Variants in DHX15 observed in about 807,000 individuals in gnomAD.
DHX15 encodes DEAH-box helicase 15.
Under a neutral mutation model 94.4 loss-of-function variants are expected in DHX15, and 11 were observed. The ratio of observed to expected loss-of-function variants is 0.12; its 90% CI spans 0.07 to 0.19. The LOEUF is 0.19. DHX15 is among the 10% of genes least tolerant of loss of function. The probability of loss-of-function intolerance (pLI) is 1.00; values close to 1 mark genes in which losing one functional copy is unlikely to be tolerated. For missense variants in DHX15, 304 were observed against 988.5 expected, an observed-to-expected ratio of 0.31 and a Z score of 9.29; for synonymous variants, 338 against 329.9, an observed-to-expected ratio of 1.02 and a Z score of -0.27.
At chr4:24,546,400 A>T (rs1721424720) in intron 6 of DHX15, among the ~76,000 whole-genome samples, 1 of 152,264 alleles carries the variant, frequency 6.6e-6, no homozygotes, top group Non-Finnish European at 1.5e-5. Flanking sequence ...TATTTAAAAA[A>T]TAATTATAGT....
chr4:24,549,595 A>G (rs1721540612), intron 5 of DHX15, among the ~76,000 whole-genome samples: 1 of 152,244 alleles, frequency 6.6e-6, no homozygotes, highest in Non-Finnish European at 1.5e-5. Context: ...GCTTACTGAC[A>G]GGAATATGTT....
Position 24,554,751 on chromosome 4 carries a change from G to C in DHX15, c.1054C>G (p.Leu352Val), listed in dbSNP as rs1721692400. ...TCTTGACCAGTTAAGAAAAGAAGAA[G>C]ATCTCCCTCTTCCTCTTCACACATA... is the stretch of plus-strand genomic sequence containing the variant. ...IHMCEEEEGD[L>V]LLFLTGQEEI... Residue 352 changes from leucine (L) to valine (V), a missense_variant, in exon 5 of 14, where the codon CTT (leucine) becomes GTT (valine). Leu to Val is a conservative substitution (Grantham distance 32). This residue lies in a region of DHX15 where 40 missense variants were observed against 107.1 expected (regional missense o/e 0.37). Transcript: ENST00000336812. 2 of 1,613,314 alleles carry C rather than the reference G, an allele frequency of 1.2e-6. No individual in the cohort carries two copies. Among genetic ancestry groups the C allele is most frequent in the Non-Finnish European group, 1.7e-6 (2 of 1,179,830 alleles).
chr4:24,579,750 A>G (rs983169464), intron 1 of DHX15, among the ~76,000 whole-genome samples: 1 of 152,172 alleles, frequency 6.6e-6, no homozygotes, highest in Non-Finnish European at 1.5e-5. Context: ...CAAATGCCCA[A>G]TATCGGTTGT....
chr4:24,584,002 T>A (rs1722543776), intron 1 of DHX15, among the ~76,000 whole-genome samples: 1 of 151,938 alleles, frequency 6.6e-6, no homozygotes, highest in Non-Finnish European at 1.5e-5. Context: ...GGCCACGAGG[T>A]CCGCGGTTCA....
intron 12 of DHX15, 129 bp downstream of exon 12, chr4:24,532,735 C>A: frequency 1.5e-6 from 1 of 659,458 alleles, no homozygotes; most frequent in Non-Finnish European, 2.5e-6. Flanking sequence ...CTGGATGTAC[C>A]AACATTTAAG....
intron 12 of DHX15, among the ~76,000 whole-genome samples, chr4:24,531,132 A>T (rs1164151962): frequency 6.7e-6 from 1 of 149,882 alleles, no homozygotes; most frequent in Non-Finnish European, 1.5e-5. Context: ...TCTGTCGCCC[A>T]GGCTGGAGTG....
At chr4:24,545,029 T>C (rs954803078) in intron 6 of DHX15, among the ~76,000 whole-genome samples, 3 of 152,110 alleles carry the variant, frequency 2.0e-5, no homozygotes, top group Non-Finnish European at 4.4e-5. Flanking sequence ...GAGGACTGCT[T>C]GAGTCCAGGA....
intron 12 of DHX15, 89 bp downstream of exon 12, chr4:24,532,775 C>A: frequency 9.9e-7 from 1 of 1,009,542 alleles, no homozygotes; most frequent in Non-Finnish European, 1.4e-6. Flanking sequence ...CACAAACTCA[C>A]TTTTGCTTTT....
chr4:24,540,496 ACTGT>A (rs1203544957), intron 9 of DHX15, among the ~76,000 whole-genome samples, 197 bp from the exon 10 acceptor site: 1 of 152,138 alleles, frequency 6.6e-6, no homozygotes, highest in Non-Finnish European at 1.5e-5. Flanking sequence ...TGTAGGCAAA[ACTGT>A]CTTCTTCCGA....
chr4:24,543,917 G>A (rs537894514), intron 6 of DHX15, among the ~76,000 whole-genome samples: 19 of 152,134 alleles, frequency 1.2e-4, no homozygotes, highest in Non-Finnish European at 2.5e-4. Context: ...AACAGAGTCT[G>A]CTTTTACCAT....
intron 10 of DHX15, chr4:24,539,189 T>A (rs1390060617): frequency 1.3e-5 from 2 of 152,110 alleles, no homozygotes; most frequent in Non-Finnish European, 2.9e-5. Context: ...AGCCATAATT[T>A]TACATTTAAA....
At chr4:24,528,918 A>C (rs916962212) in intron 13 of DHX15, among the ~76,000 whole-genome samples, 32 of 152,262 alleles carry the variant, frequency 2.1e-4, no homozygotes, top group South Asian at 6.2e-4. Context: ...CAAAACAAAA[A>C]AAAACAGATT....
At chr4:24,546,248 TAA>T in intron 6 of DHX15, among the ~76,000 whole-genome samples, 3 of 152,332 alleles carry the variant, frequency 2.0e-5, no homozygotes, top group Admixed American at 2.0e-4. Context: ...AGTCTTTCTT[TAA>T]AACTACAGGA....
intron 3 of DHX15, among the ~76,000 whole-genome samples, chr4:24,566,628 C>A (rs972659308): frequency 6.6e-6 from 1 of 152,224 alleles, no homozygotes; most frequent in African/African-American, 2.4e-5. Flanking sequence ...GAGTTTGAGA[C>A]CAGCCTGGCC....
chr4:24,556,524 CCAAA>C (rs1577342556), intron 3 of DHX15, 114 bp from the exon 4 acceptor site: 1 of 849,606 alleles, frequency 1.2e-6, no homozygotes, highest in Non-Finnish European at 1.8e-6. Context: ...AACTTCTGCC[CCAAA>C]CAAATGTGCT....
intron 11 of DHX15, among the ~76,000 whole-genome samples, chr4:24,534,632 T>A (rs1425846697): frequency 2.0e-5 from 3 of 152,080 alleles, no homozygotes; most frequent in Non-Finnish European, 4.4e-5. Flanking sequence ...TAGAGAGAAA[T>A]CTCCCCTCCC....
intron 5 of DHX15, 144 bp downstream of exon 5, chr4:24,554,581 G>C: frequency 3.2e-6 from 2 of 626,760 alleles, no homozygotes; most frequent in Non-Finnish European, 5.5e-6. Context: ...CAGATAAAAG[G>C]GGTTATATAT....
At chr4:24,580,932 T>C (rs1338552526) in intron 1 of DHX15, 1 of 152,096 alleles carries the variant, frequency 6.6e-6, no homozygotes, top group African/African-American at 2.4e-5. Context: ...TAGCAACAAG[T>C]GGAAAACTAC....
At chr4:24,532,841 T>A in intron 12 of DHX15, 23 bp downstream of exon 12, 1 of 1,521,420 alleles carries the variant, frequency 6.6e-7, no homozygotes, top group Non-Finnish European at 8.9e-7. Context: ...ACTTAGTTAT[T>A]CATTCCCATA....
Sources: gnomAD v4.1 joint callset for allele counts (sites outside exome capture counted in the v4.1 genomes callset) on GRCh38, gnomAD v4.1.1 for gene constraint, gnomAD v4.1.1 regional missense constraint, MANE v1.5 for transcripts, NCBI Gene and HGNC (gene_info 2026-07-23, HGNC 2026-07-21) for gene names.